Variants in BACH2 observed in about 807,000 individuals in gnomAD.
BACH2 encodes transcription regulator protein BACH2.
Under a neutral mutation model 61.8 loss-of-function variants are expected in BACH2, and 5 were observed. The observed-to-expected ratio is 0.08, with a 90% confidence interval of 0.04 to 0.17. BACH2 has a LOEUF of 0.17. Among genes scored for constraint, BACH2 ranks in the 10% least tolerant of loss-of-function variants. The probability of loss-of-function intolerance (pLI) is 1.00; values close to 1 mark genes in which losing one functional copy is unlikely to be tolerated. For missense variants in BACH2, 824 were observed against 1,091.1 expected (o/e 0.76, Z 3.45); for synonymous variants, 446 against 440.1 (o/e 1.01, Z -0.17).
At chr6:90,247,121 CTA>C (rs1363790659) in intron 3 of BACH2, among the ~76,000 whole-genome samples, 1 of 152,172 alleles carries the variant, frequency 6.6e-6, no homozygotes, top group Non-Finnish European at 1.5e-5. Context: ...CTAACTACCA[CTA>C]TAACGAGAAC....
At chr6:89,998,227 TTC>T (rs2127777293) in intron 6 of BACH2, among the ~76,000 whole-genome samples, 1 of 152,226 alleles carries the variant, frequency 6.6e-6, no homozygotes, top group African/African-American at 2.4e-5. Flanking sequence ...CTGCCAGTAT[TTC>T]TCTTTGCTGC....
chr6:90,292,041 A>G (rs979483583), intron 1 of BACH2, among the ~76,000 whole-genome samples: 1 of 152,174 alleles, frequency 6.6e-6, no homozygotes, highest in Non-Finnish European at 1.5e-5. Context: ...GTTACATTTT[A>G]TATTGTTCTC....
rs192007252 is a variant in BACH2 at position 90,275,713 on chromosome 6, C to T, written c.-445-3772G>A. On this transcript the variant is annotated intron_variant, in intron 1 of 8. Coordinates refer to ENST00000257749, the MANE Select transcript of BACH2 (RefSeq NM_021813.4). ...TGTTCTGGATGGGCGTAGCGGCTCA[C>T]GCCTGTAATCCCAGCACTTTGGGAG... Among the ~76,000 whole-genome samples the T allele has an allele frequency of 4.6e-5, 7 of 152,120 alleles. No homozygotes were observed. The East Asian group carries it at 1.2e-3, about 25-fold the overall frequency.
intron 6 of BACH2, among the ~76,000 whole-genome samples, chr6:89,967,688 G>A (rs1775118476): frequency 6.6e-6 from 1 of 152,128 alleles, no homozygotes; most frequent in Non-Finnish European, 1.5e-5. Context: ...GGGAGGCCAG[G>A]GCTTAAGAAT....
intron 4 of BACH2, among the ~76,000 whole-genome samples, chr6:90,201,339 C>T (rs560821154): frequency 6.6e-6 from 1 of 152,296 alleles, no homozygotes; most frequent in South Asian, 2.1e-4. Flanking sequence ...CTACTCCCAA[C>T]TTCACTGGGT....
chr6:90,146,805 A>G (rs1301971726), intron 4 of BACH2, among the ~76,000 whole-genome samples: 1 of 152,190 alleles, frequency 6.6e-6, no homozygotes, highest in African/African-American at 2.4e-5. Flanking sequence ...CTGTAAGGAA[A>G]CTCTGGGAGT....
intron 4 of BACH2, among the ~76,000 whole-genome samples, chr6:90,111,836 C>A (rs891974073): frequency 6.6e-6 from 1 of 152,204 alleles, no homozygotes; most frequent in Non-Finnish European, 1.5e-5. Context: ...GAATCTTGTG[C>A]TATGCCATAT....
chr6:90,111,235 C>T (rs1783156355), intron 4 of BACH2, among the ~76,000 whole-genome samples: 1 of 152,208 alleles, frequency 6.6e-6, no homozygotes, highest in Non-Finnish European at 1.5e-5. Flanking sequence ...GTGGCACTAG[C>T]TTGCCATCTT....
rs913130188 is a variant in BACH2 at position 89,926,865 on chromosome 6, A to G, written c.*5543T>C. On this transcript the variant is annotated 3_prime_UTR_variant, in exon 9 of 9. Coordinates refer to ENST00000257749, the MANE Select transcript of BACH2 (RefSeq NM_021813.4). ...TTGAATTAAATTACATTAATCGCAT[A>G]GAATCTGTGTAAAAAGTATGTAGAA... The G allele has an allele frequency of 6.5e-6, 1 of 152,818 alleles. No individual in the cohort carries two copies. Among genetic ancestry groups the G allele is most frequent in the Non-Finnish European group, 1.5e-5 (1 of 68,046 alleles). 9.5% of individuals were successfully genotyped at this position (152,818 alleles called of 1,614,324 possible).
At chr6:90,025,239 T>G (rs1458310473) in intron 5 of BACH2, among the ~76,000 whole-genome samples, 1 of 152,196 alleles carries the variant, frequency 6.6e-6, no homozygotes, top group Non-Finnish European at 1.5e-5. Context: ...TGGGCAGATT[T>G]GGATATGCAG....
intron 5 of BACH2, among the ~76,000 whole-genome samples, chr6:90,045,322 G>A (rs1386165549): frequency 4.6e-5 from 7 of 152,178 alleles, no homozygotes; most frequent in South Asian, 2.1e-4. Context: ...TACTTCAGGC[G>A]TCTTGGTAAC....
chr6:90,283,777 G>A (rs1229020373), intron 1 of BACH2, among the ~76,000 whole-genome samples: 1 of 151,930 alleles, frequency 6.6e-6, no homozygotes, highest in East Asian at 1.9e-4. Flanking sequence ...GGAGGCTGAG[G>A]CAGGCAGATC....
intron 5 of BACH2, among the ~76,000 whole-genome samples, chr6:90,045,330 A>T (rs891214191): frequency 6.6e-6 from 1 of 152,176 alleles, no homozygotes; most frequent in Non-Finnish European, 1.5e-5. Context: ...GCGTCTTGGT[A>T]ACTAAGCACT....
At chr6:90,239,393 T>C (rs999650540) in intron 3 of BACH2, among the ~76,000 whole-genome samples, 5 of 152,290 alleles carry the variant, frequency 3.3e-5, no homozygotes, top group Middle Eastern at 3.4e-3. Context: ...GGCTATGAAC[T>C]TTCTGTTTGA....
chr6:90,162,941 T>C (rs1767451051), intron 4 of BACH2, among the ~76,000 whole-genome samples: 1 of 152,188 alleles, frequency 6.6e-6, no homozygotes, highest in Non-Finnish European at 1.5e-5. Flanking sequence ...AGTTGGTTTT[T>C]TAAAGATGAT....
At chr6:90,237,483 C>T (rs549093343) in intron 3 of BACH2, among the ~76,000 whole-genome samples, 22 of 152,246 alleles carry the variant, frequency 1.4e-4, no homozygotes, top group Non-Finnish European at 2.6e-4. Context: ...TGAATGTAAC[C>T]AGAGAATTCC....
At chr6:90,074,595 T>C (rs1461197100) in intron 5 of BACH2, among the ~76,000 whole-genome samples, 2 of 152,190 alleles carry the variant, frequency 1.3e-5, no homozygotes, top group Admixed American at 6.5e-5. Context: ...TAATTAAGAA[T>C]CATCCAGTAC....
At chr6:90,234,166 C>T (rs1238076250) in intron 3 of BACH2, among the ~76,000 whole-genome samples, 1 of 152,214 alleles carries the variant, frequency 6.6e-6, no homozygotes, top group Non-Finnish European at 1.5e-5. Context: ...GAAATACAGG[C>T]AGCAATTTCC....
At chr6:89,968,015 T>A (rs1397760960) in intron 6 of BACH2, among the ~76,000 whole-genome samples, 1 of 152,242 alleles carries the variant, frequency 6.6e-6, no homozygotes, top group Non-Finnish European at 1.5e-5. Context: ...TCTCCAGTTA[T>A]CCTCTTGATC....
Sources: allele counts gnomAD v4.1 joint callset (sites outside exome capture counted in the v4.1 genomes callset), GRCh38; gene constraint gnomAD v4.1.1; transcripts MANE v1.5; gene names NCBI Gene and HGNC (gene_info 2026-07-23, HGNC 2026-07-21).